EPHA7: variants seen among roughly 807,000 people sequenced by gnomAD.
The protein encoded by EPHA7 is EPH receptor A7.
EPHA7 carries 25 observed loss-of-function variants against 112.6 expected under a neutral mutation model. The observed-to-expected ratio is 0.22, with a 90% confidence interval of 0.16 to 0.31. The LOEUF is 0.31. EPHA7 is among the 10% of genes least tolerant of loss of function. The pLI is 1.00. For synonymous variants in EPHA7, 437 were observed against 406.5 expected, an observed-to-expected ratio of 1.07 and a Z score of -0.90; for missense variants, 962 against 1,212.6, an observed-to-expected ratio of 0.79 and a Z score of 3.07.
chr6:93,368,396 T>C (rs1776619876), intron 3 of EPHA7, among the ~76,000 whole-genome samples: 1 of 152,096 alleles, frequency 6.6e-6, no homozygotes, highest in Non-Finnish European at 1.5e-5. Context: ...GGACACATTA[T>C]TGACCAATTT....
At chr6:93,364,441 T>C (rs1391505745) in intron 3 of EPHA7, among the ~76,000 whole-genome samples, 1 of 151,232 alleles carries the variant, frequency 6.6e-6, no homozygotes, top group Non-Finnish European at 1.5e-5. Flanking sequence ...GGAGAATCAC[T>C]TGAACCCGGG....
At position 93,240,859 on chromosome 6, in the gene EPHA7, A is replaced by G. The variant is rs1471574731; in HGVS notation, c.*2567T>C. On this transcript the variant is annotated 3_prime_UTR_variant, in exon 17 of 17. Transcript: ENST00000369303. ...TTACAATGTTAATTCTTTTTCTCTT[A>G]ATATTTGTTTCACATACATGTATTT... The G allele has an allele frequency of 4.8e-5, 10 of 207,456 alleles. No individual in the cohort carries two copies. 12.9% of individuals were successfully genotyped at this position (207,456 alleles called of 1,614,324 possible). A position where few individuals can be genotyped will look rare whatever the true frequency, so the allele number is the denominator to read the frequency against.
intron 3 of EPHA7, among the ~76,000 whole-genome samples, chr6:93,382,485 C>G (rs1395937255): frequency 6.6e-6 from 1 of 152,230 alleles, no homozygotes; most frequent in South Asian, 2.1e-4. Context: ...AGGCCAGTGA[C>G]CACTACTGTC....
chr6:93,242,958 A>G lies in EPHA7; in HGVS notation c.*468T>C, dbSNP rs1769749098. On this transcript the variant is annotated 3_prime_UTR_variant, in exon 17 of 17. Coordinates refer to ENST00000369303, the MANE Select transcript of EPHA7 (RefSeq NM_004440.4). Reference sequence around the variant, plus strand: ...TTTAACACTAAAAAGGTCCAAAGCTATAAACAGCTTTCTAAAACAAAGTCC... The same window carrying G: ...TTTAACACTAAAAAGGTCCAAAGCTGTAAACAGCTTTCTAAAACAAAGTCC... The G allele has an allele frequency of 4.6e-6, 1 of 219,232 alleles. No individual in the cohort carries two copies. The highest frequency in any genetic ancestry group is 1.8e-4 in the South Asian group (1 of 5,452). 13.6% of individuals were successfully genotyped at this position (219,232 alleles called of 1,614,324 possible). A position where few individuals can be genotyped will look rare whatever the true frequency, so the allele number is the denominator to read the frequency against.
intron 5 of EPHA7, among the ~76,000 whole-genome samples, chr6:93,329,560 A>G (rs1774487368): frequency 6.6e-6 from 1 of 151,296 alleles, no homozygotes; most frequent in African/African-American, 2.4e-5. Flanking sequence ...GATTTTTCAA[A>G]TACTTTTCCA....
In EPHA7 at chr6:93,258,256, A is replaced by G; in HGVS notation, c.1953T>C (p.Arg651=). 1 of 1,610,922 alleles carries G rather than the reference A, an allele frequency of 6.2e-7. No homozygotes were observed. Among genetic ancestry groups the G allele is most frequent in the South Asian group, 1.1e-5 (1 of 90,220 alleles). The stretch of plus-strand genomic sequence containing the variant: ...CATCTCTTTTCCCTGGAAGTTTCAA[A>G]CGGCCACTGCAGACTTCACCGAATT... ...AGEFGEVCSG[R]LKLPGKRDVA... Residue 651 remains arginine, a synonymous_variant, in exon 11 of 17, where the codon CGT becomes CGC. Transcript: ENST00000369303.
chr6:93,256,395 T>A (rs1770442554), intron 12 of EPHA7, among the ~76,000 whole-genome samples: 1 of 151,990 alleles, frequency 6.6e-6, no homozygotes, highest in Non-Finnish European at 1.5e-5. Context: ...AAAGTCTAAA[T>A]AATATAAAAG....
At chr6:93,358,460 C>A (rs1431702160) in intron 3 of EPHA7, 49 bp from the exon 4 acceptor site, 1 of 1,479,462 alleles carries the variant, frequency 6.8e-7, no homozygotes, top group Non-Finnish European at 9.1e-7. Flanking sequence ...GCAAATCGAT[C>A]TTTAAAAAAA....
intron 9 of EPHA7, 25 bp downstream of exon 9, chr6:93,263,835 T>C (rs1770802889): frequency 6.2e-7 from 1 of 1,602,136 alleles, no homozygotes; most frequent in Non-Finnish European, 8.5e-7. Context: ...GGGTACATCA[T>C]AATAAAGAAA....
intron 5 of EPHA7, among the ~76,000 whole-genome samples, chr6:93,283,291 C>T (rs1364265649): frequency 6.6e-6 from 1 of 152,152 alleles, no homozygotes; most frequent in Non-Finnish European, 1.5e-5. Flanking sequence ...ACACACCAAT[C>T]AGCACCCTGT....
At chr6:93,272,261 C>T in intron 6 of EPHA7, 37 bp downstream of exon 6, 1 of 1,608,354 alleles carries the variant, frequency 6.2e-7, no homozygotes, top group South Asian at 1.1e-5. Flanking sequence ...ATGAGACACA[C>T]AGCACATTGT....
chr6:93,278,804 G>A (rs1052588854), intron 5 of EPHA7, among the ~76,000 whole-genome samples: 15 of 151,726 alleles, frequency 9.9e-5, no homozygotes, highest in African/African-American at 2.9e-4. Context: ...TTTAATTCAC[G>A]TTTTAAAGCC....
At chr6:93,314,530 G>A (rs1223106635) in intron 5 of EPHA7, among the ~76,000 whole-genome samples, 1 of 152,066 alleles carries the variant, frequency 6.6e-6, no homozygotes, top group African/African-American at 2.4e-5. Flanking sequence ...CTGACCATTT[G>A]CAGAGCTCTT....
chr6:93,309,972 C>T (rs1205391904), intron 5 of EPHA7, among the ~76,000 whole-genome samples: 1 of 152,138 alleles, frequency 6.6e-6, no homozygotes, highest in Admixed American at 6.5e-5. Flanking sequence ...GGATTTTAAT[C>T]ACTTTAGTCA....
chr6:93,246,542 C>A (rs567002670), intron 15 of EPHA7, among the ~76,000 whole-genome samples: 31 of 152,122 alleles, frequency 2.0e-4, no homozygotes, highest in Non-Finnish European at 4.1e-4. Context: ...TATAAAGTTT[C>A]TTTTATAAAA....
chr6:93,352,373 C>T (rs749275286), intron 5 of EPHA7, among the ~76,000 whole-genome samples: 16 of 152,054 alleles, frequency 1.1e-4, no homozygotes, highest in African/African-American at 1.7e-4. Flanking sequence ...TGGCAATTAC[C>T]ATGTTCTGAT....
intron 3 of EPHA7, among the ~76,000 whole-genome samples, chr6:93,385,016 G>A (rs1777531022): frequency 6.6e-6 from 1 of 152,112 alleles, no homozygotes; most frequent in South Asian, 2.1e-4. Context: ...TGCCATTGAA[G>A]AAGATTATAG....
intron 7 of EPHA7, among the ~76,000 whole-genome samples, chr6:93,268,353 C>T (rs1771048299): frequency 4.6e-5 from 7 of 151,720 alleles, no homozygotes; most frequent in Admixed American, 4.6e-4. Flanking sequence ...GCAAACTTTA[C>T]AAACATTAGT....
intron 5 of EPHA7, among the ~76,000 whole-genome samples, chr6:93,342,776 C>T (rs767643754): frequency 7.4e-5 from 11 of 147,702 alleles, no homozygotes; most frequent in Admixed American, 2.0e-4. Context: ...GTTTATTATG[C>T]ATCTAAGAGA....
Sources: gnomAD v4.1 joint callset for allele counts (sites outside exome capture counted in the v4.1 genomes callset) on GRCh38, gnomAD v4.1.1 for gene constraint, MANE v1.5 for transcripts, NCBI Gene and HGNC (gene_info 2026-07-23, HGNC 2026-07-21) for gene names.